The following HOXB3 variants were observed in gnomAD, a reference collection of about 807,000 sequenced individuals.
HOXB3 encodes the protein homeobox protein Hox-B3.
In HOXB3, 17 loss-of-function variants were observed where a neutral mutation model predicts 29.2. The observed-to-expected ratio is 0.58, with a 90% confidence interval of 0.40 to 0.87. The LOEUF is 0.87. Ranked by LOEUF, HOXB3 falls within the 40% of genes least tolerant of loss-of-function variation. The pLI is 0.00. For missense variants in HOXB3, 637 were observed against 616.3 expected, an observed-to-expected ratio of 1.03 and a Z score of -0.35; for synonymous variants, 317 against 285.9, an observed-to-expected ratio of 1.11 and a Z score of -1.10.
At chr17:48,568,624 C>T (rs892652760) in intron 2 of HOXB3, among the ~76,000 whole-genome samples, 6 of 149,296 alleles carry the variant, frequency 4.0e-5, no homozygotes, top group African/African-American at 1.5e-4. Flanking sequence ...CACAAACACA[C>T]GCAGACGCGC....
At chr17:48,561,503 G>A (rs989153204) in intron 2 of HOXB3, among the ~76,000 whole-genome samples, 1 of 152,210 alleles carries the variant, frequency 6.6e-6, no homozygotes, top group Non-Finnish European at 1.5e-5. Context: ...TGTAAACTCT[G>A]AATATTGCAA....
intron 1 of HOXB3, chr17:48,576,694 A>C: frequency 1.5e-6 from 1 of 650,984 alleles, no homozygotes; most frequent in Admixed American, 3.3e-5. Context: ...CCCCACCCCG[A>C]GGTTCGTGGC....
At chr17:48,567,151 T>C (rs539450072) in intron 2 of HOXB3, among the ~76,000 whole-genome samples, 1 of 152,264 alleles carries the variant, frequency 6.6e-6, no homozygotes, top group Non-Finnish European at 1.5e-5. Context: ...ACTCCTGAAT[T>C]GGGAGGCTTC....
At chr17:48,576,509 TG>T (rs3833172) in intron 1 of HOXB3, 2 of 399,484 alleles carry the variant, frequency 5.0e-6, no homozygotes, top group South Asian at 1.3e-4. Context: ...ATCTTGCTTC[TG>T]GGGGGGCCTC....
intron 1 of HOXB3, chr17:48,577,717 AGG>A (rs2069811194): frequency 4.4e-6 from 3 of 687,748 alleles, no homozygotes; most frequent in African/African-American, 1.9e-5. Context: ...CTCTGAAAAC[AGG>A]CGACCGTAAA....
rs564036466 is a variant in HOXB3, at chr17:48,571,489, G to A, written c.-247+2348C>T. 4.6e-5 allele frequency among the ~76,000 whole-genome samples: 7 copies of A among 152,352 alleles called. No individual in the cohort carries two copies. The South Asian group carries it at 1.4e-3, about 32-fold the overall frequency. On this transcript the variant is annotated intron_variant, in intron 2 of 4. Transcript: ENST00000498678. ...GTCAAAAGGTTGGGAGGACTGGAGTGGCACTAGGATTGTCTGGAGTGAAGG... is the reference window on the plus strand; with the variant it reads ...GTCAAAAGGTTGGGAGGACTGGAGTAGCACTAGGATTGTCTGGAGTGAAGG...
At chr17:48,578,274 T>G in intron 1 of HOXB3, 1 of 1,613,750 alleles carries the variant, frequency 6.2e-7, no homozygotes, top group Non-Finnish European at 8.5e-7. Flanking sequence ...GGAGGGAACT[T>G]GGGGTCGACA....
chr17:48,577,893 G>A, intron 1 of HOXB3: 1 of 1,384,722 alleles, frequency 7.2e-7, no homozygotes, highest in South Asian at 2.0e-5. Context: ...CGCATCCAGG[G>A]GTAGACGACG....
At chr17:48,569,734 GATAA>G (rs1230508545) in intron 2 of HOXB3, among the ~76,000 whole-genome samples, 1 of 152,158 alleles carries the variant, frequency 6.6e-6, no homozygotes, top group African/African-American at 2.4e-5. Flanking sequence ...GGTATAAGTG[GATAA>G]ATAATGGGGC....
chr17:48,574,419 C>A (rs151209325), intron 1 of HOXB3: 3 of 152,624 alleles, frequency 2.0e-5, no homozygotes, highest in African/African-American at 7.2e-5. Context: ...CTGGGGACAC[C>A]GGCCTGTCGG....
chr17:48,572,461 T>A (rs536323793), intron 2 of HOXB3, among the ~76,000 whole-genome samples: 2 of 152,260 alleles, frequency 1.3e-5, no homozygotes, highest in Admixed American at 1.3e-4. Flanking sequence ...GCCCAGGAGT[T>A]TATTCCCCTG....
chr17:48,582,619 C>CTA (rs2069971452), intron 1 of HOXB3: 1 of 152,212 alleles, frequency 6.6e-6, no homozygotes, highest in Non-Finnish European at 1.5e-5. Context: ...CAGGCAGTTA[C>CTA]TATAATATGC....
In HOXB3 at chr17:48,549,295, A is replaced by C. The variant is rs1660721910; in HGVS notation, c.*1039T>G. The C allele has an allele frequency of 6.6e-6, 1 of 152,606 alleles. No individual in the cohort carries two copies. The highest frequency in any genetic ancestry group is 6.5e-5 in the Admixed American group (1 of 15,290). The allele number at this position is 152,606 out of a possible 1,614,324, so 9.5% of individuals were successfully genotyped here. On this transcript the variant is annotated 3_prime_UTR_variant, in exon 5 of 5. Transcript: ENST00000498678. ...AAATATATATGAAAATGTTCACTAG[A>C]ACACACGCTTTTTTGAGCAATGCTG...
At position 48,550,125 on chromosome 17, in the gene HOXB3, T is replaced by G; in HGVS notation, c.*209A>C. The stretch of plus-strand genomic sequence containing the variant: ...CAATATGATGTGGATTCCTTTCCGA[T>G]GGGTTGGCAGGCAGATGGAACAAGG... On this transcript the variant is annotated 3_prime_UTR_variant, in exon 5 of 5. Coordinates refer to ENST00000498678, the MANE Select transcript of HOXB3 (RefSeq NM_001384749.1). The G allele has an allele frequency of 3.3e-6, 2 of 598,878 alleles. No individual in the cohort carries two copies. The highest frequency in any genetic ancestry group is 2.9e-6 in the Non-Finnish European group (1 of 344,748). The allele number at this position is 598,878 out of a possible 1,614,324, so 37.1% of individuals were successfully genotyped here.
Position 48,552,134 on chromosome 17 carries a change from G to C in HOXB3, c.341C>G (p.Pro114Arg). 1 of 1,614,012 alleles carries C rather than the reference G, an allele frequency of 6.2e-7. No individual in the cohort carries two copies. The highest frequency in any genetic ancestry group is 8.5e-7 in the Non-Finnish European group (1 of 1,179,940). The change falls in exon 4 of 5, where the codon CCC becomes CGC. Residue 114 changes from proline to arginine, a missense_variant. Coordinates refer to ENST00000498678, the MANE Select transcript of HOXB3 (RefSeq NM_001384749.1). ...GTTGGTGCCGGGACCGCACTTTGGG[G>C]GACCACTTTTGCTGGGCCCGCCCCC... ...SNGGGPSKSG[P>R]PKCGPGTNST... is the part of the protein sequence containing the mutation.
chr17:48,574,321 T>C (rs2069688831), intron 1 of HOXB3: 1 of 160,814 alleles, frequency 6.2e-6, no homozygotes, highest in Non-Finnish European at 1.4e-5. Context: ...GAAATAAAGC[T>C]CGCCCCTCTC....
In HOXB3 at chr17:48,551,150, G is replaced by GCCGCCA. The variant is rs753409967; in HGVS notation, c.474_479dup (p.Gly163_Gly164dup). ...CGCTGCCACCACTGCCTCCGCCGCCGCCGCCACCGCCGCCGCCACCACAGC... is the reference window on the plus strand; with the variant it reads ...CGCTGCCACCACTGCCTCCGCCGCCGCCGCCACCGCCACCGCCGCCGCCACCACAGC... On this transcript the variant is annotated inframe_insertion, in exon 5 of 5. Coordinates refer to ENST00000498678, the MANE Select transcript of HOXB3 (RefSeq NM_001384749.1). The GCCGCCA allele has an allele frequency of 4.7e-6, 6 of 1,285,178 alleles. No homozygotes were observed. In the South Asian group the frequency reaches 8.0e-5, roughly 17 times the overall value. 79.6% of individuals were successfully genotyped at this position (1,285,178 alleles called of 1,614,324 possible).
intron 2 of HOXB3, among the ~76,000 whole-genome samples, 184 bp from the exon 3 acceptor site, chr17:48,555,802 G>A (rs377482082): frequency 2.0e-5 from 3 of 152,106 alleles, no homozygotes; most frequent in East Asian, 3.9e-4. Context: ...AGGGGGTGGG[G>A]GAGCGGGAAA....
At chr17:48,577,259 G>A (rs2144887570) in intron 1 of HOXB3, among the ~76,000 whole-genome samples, 1 of 152,228 alleles carries the variant, frequency 6.6e-6, no homozygotes, top group South Asian at 2.1e-4. Context: ...GGGGAAGGGG[G>A]GCGTGTGAGG....
Sources: allele counts gnomAD v4.1 joint callset (sites outside exome capture counted in the v4.1 genomes callset), GRCh38; gene constraint gnomAD v4.1.1; transcripts MANE v1.5; gene names NCBI Gene and HGNC (gene_info 2026-07-23, HGNC 2026-07-21).